The following IQANK1 variants were observed in gnomAD, a reference collection of about 807,000 sequenced individuals.
IQANK1 encodes IQ motif and ankyrin repeat domain-containing protein 1.
A neutral mutation model predicts 22.6 loss-of-function variants in IQANK1; 30 were observed. The ratio of observed to expected loss-of-function variants is 1.33; its 90% CI spans 0.99 to 1.80. The LOEUF (loss-of-function observed/expected upper bound fraction) is 1.80. IQANK1 is among the 40% of genes most tolerant of loss of function. The probability of loss-of-function intolerance (pLI) is 0.00; values close to 1 mark genes in which losing one functional copy is unlikely to be tolerated. For synonymous variants in IQANK1, 122 were observed against 99.6 expected (o/e 1.23, Z -1.34); for missense variants, 275 against 235.2 (o/e 1.17, Z -1.11).
intron 3 of IQANK1, among the ~76,000 whole-genome samples, chr8:143,754,742 C>G (rs549368501): frequency 2.9e-4 from 44 of 152,268 alleles, no homozygotes; most frequent in African/African-American, 8.9e-4. Context: ...TCTCCTGCCT[C>G]AGCCTCCTGA....
At chr8:143,788,041 A>T (rs1819927986) in intron 7 of IQANK1, among the ~76,000 whole-genome samples, 1 of 151,906 alleles carries the variant, frequency 6.6e-6, no homozygotes, top group Non-Finnish European at 1.5e-5. Flanking sequence ...CGAGTATGAG[A>T]GTCTCCCTGC....
At chr8:143,749,616 G>C (rs1819149977) in intron 3 of IQANK1, among the ~76,000 whole-genome samples, 1 of 131,846 alleles carries the variant, frequency 7.6e-6, no homozygotes, top group Non-Finnish European at 1.6e-5. Flanking sequence ...TTTTTTTTGA[G>C]ACGGAATCTC....
intron 7 of IQANK1, among the ~76,000 whole-genome samples, chr8:143,783,433 CTGATT>C (rs72120371): frequency 0.022 from 3,423 of 152,152 alleles, 127 homozygotes; most frequent in African/African-American, 0.079. Context: ...TCTGGGTTGC[CTGATT>C]TATTTTCCTT....
At chr8:143,756,022 A>T (rs552207543) in intron 3 of IQANK1, among the ~76,000 whole-genome samples, 1 of 152,170 alleles carries the variant, frequency 6.6e-6, no homozygotes, top group Admixed American at 6.5e-5. Flanking sequence ...CATGGTTTCA[A>T]CCTCCTGATG....
At chr8:143,780,678 A>G (rs1164761437) in intron 7 of IQANK1, among the ~76,000 whole-genome samples, 1 of 152,174 alleles carries the variant, frequency 6.6e-6, no homozygotes, top group Non-Finnish European at 1.5e-5. Context: ...ATGGCTGCAT[A>G]GTATTCCACG....
rs1818719547 is a variant in IQANK1 at position 143,735,733 on chromosome 8, T to C, written c.-4-117T>C. On this transcript the variant is annotated intron_variant, in intron 1 of 13. Coordinates refer to ENST00000527139, the MANE Select transcript of IQANK1 (RefSeq NM_001381874.1). This position sits in a 1 kb window ranked among gnomAD's most constrained non-coding sequence, Gnocchi z 5.2. The stretch of plus-strand genomic sequence containing the variant: ...AGCTGGGAAGCCTCAGGGGAGCCCA[T>C]GTTCCTGCTGTCATCCACTCAGGCG... The C allele has an allele frequency of 1.6e-6, 1 of 641,220 alleles. No homozygotes were observed. The highest frequency in any genetic ancestry group is 2.2e-5 in the Admixed American group (1 of 45,888). 39.7% of individuals were successfully genotyped at this position (641,220 alleles called of 1,614,324 possible).
At chr8:143,783,911 G>C (rs781986519) in intron 7 of IQANK1, among the ~76,000 whole-genome samples, 2 of 152,174 alleles carry the variant, frequency 1.3e-5, no homozygotes, top group Non-Finnish European at 2.9e-5. Context: ...TTCTGGGATC[G>C]CTGTTCTGTT....
chr8:143,790,025 T>C lies in IQANK1; in HGVS notation c.1250T>C (p.Leu417Pro), dbSNP rs1819994363. 3.2e-6 allele frequency: 4 copies of C among 1,231,958 alleles called. No homozygotes were observed. The allele number at this position is 1,231,958 out of a possible 1,614,324, so 76.3% of individuals were successfully genotyped here. Residue 417 changes from leucine to proline, a missense_variant, in exon 12 of 14, where the codon CTG (leucine) becomes CCG (proline). Physicochemically the swap from Leu to Pro is moderately conservative, Grantham distance 98 (BLOSUM62 -3). Transcript: ENST00000527139. Reference protein sequence around the residue: ...KCQVTELHDVLMKDVGNRIRA... With the variant: ...KCQVTELHDVPMKDVGNRIRA... ...CAGGTCACCGAGCTGCACGATGTGC[T>C]GATGAAAGATGTAGGCAACCGCATC...
chr8:143,771,448 G>A lies in IQANK1; in HGVS notation c.176-40G>A, dbSNP rs1349488936. On this transcript the variant is annotated intron_variant, in intron 3 of 13. Coordinates refer to ENST00000527139, the MANE Select transcript of IQANK1 (RefSeq NM_001381874.1). This position sits in a 1 kb window ranked among gnomAD's most constrained non-coding sequence, Gnocchi z 6.0. Reference sequence around the variant, plus strand: ...CCCAGGGGCGCAGCAGGCGTGGCTGGAGGCGAGAACGCGCCCCCGTGAGCC... The same window carrying A: ...CCCAGGGGCGCAGCAGGCGTGGCTGAAGGCGAGAACGCGCCCCCGTGAGCC... 4 of 396,920 alleles carry A rather than the reference G, an allele frequency of 1.0e-5. No homozygotes were observed. Among genetic ancestry groups the A allele is most frequent in the African/African-American group, 2.1e-5 (1 of 48,496 alleles). The allele number at this position is 396,920 out of a possible 1,614,324, so 24.6% of individuals were successfully genotyped here.
At chr8:143,738,129 T>TG (rs1554625940) in intron 2 of IQANK1, among the ~76,000 whole-genome samples, 1 of 151,722 alleles carries the variant, frequency 6.6e-6, no homozygotes, top group Non-Finnish European at 1.5e-5. Flanking sequence ...CCCCCTGGGG[T>TG]GGGGGGCGGG....
chr8:143,740,687 G>T (rs1222987196), intron 3 of IQANK1, among the ~76,000 whole-genome samples: 1 of 152,214 alleles, frequency 6.6e-6, no homozygotes, highest in East Asian at 1.9e-4. Flanking sequence ...GGCCATGCTG[G>T]CCGCAGCCTC....
rs1819644356 is a variant in IQANK1, at chr8:143,774,369, C to G, written c.789+1887C>G. On this transcript the variant is annotated intron_variant, in intron 7 of 13. Transcript: ENST00000527139. This position sits in a 1 kb window ranked among gnomAD's most constrained non-coding sequence, Gnocchi z 4.2. ...CGCAAACAACAATGAAACATACAAT[C>G]TAGGTATAAAATGAGCAAAGACATG... is the stretch of plus-strand genomic sequence containing the variant. Among the ~76,000 whole-genome samples, 1 of 152,124 alleles carries G rather than the reference C, an allele frequency of 6.6e-6. No homozygotes were observed. The highest frequency in any genetic ancestry group is 2.1e-4 in the South Asian group (1 of 4,820).
Position 143,769,383 on chromosome 8 carries a change from G to A in IQANK1, c.176-2105G>A, listed in dbSNP as rs1819532533. ...CCCTATATATATTTTTTTAAAGAGA[G>A]ACAGGGTCTCACCACGTTGTCCAGG... On this transcript the variant is annotated intron_variant, in intron 3 of 13. Transcript: ENST00000527139. Among the ~76,000 whole-genome samples, 3 of 152,106 alleles carry A rather than the reference G, an allele frequency of 2.0e-5. No individual in the cohort carries two copies. The South Asian group carries it at 6.2e-4, about 32-fold the overall frequency.
intron 3 of IQANK1, among the ~76,000 whole-genome samples, chr8:143,741,463 AG>A (rs1818912094): frequency 6.6e-6 from 1 of 152,050 alleles, no homozygotes; most frequent in Admixed American, 6.5e-5. Flanking sequence ...TTTGCTACAA[AG>A]TGGGTTTCCA....
intron 3 of IQANK1, among the ~76,000 whole-genome samples, chr8:143,746,558 T>C (rs1272615316): frequency 6.6e-6 from 1 of 151,886 alleles, no homozygotes; most frequent in Non-Finnish European, 1.5e-5. Flanking sequence ...AAATTTTTAA[T>C]TTTTTGTAGA....
rs1410738111 is a variant in IQANK1 at position 143,790,150 on chromosome 8, ATTGACCCT to A, written c.1307_1314del (p.Asp436GlyfsTer77). ...GGGTGTCCCCAGGTGGCCTCTTGTT[ATTGACCCT>A]TTGGGCCAGGCGGCCACCTTCCTGC... On this transcript the variant is annotated frameshift_variant, in exon 13 of 14. Coordinates refer to ENST00000527139, the MANE Select transcript of IQANK1 (RefSeq NM_001381874.1). LOFTEE classifies it high-confidence loss of function. 6.4e-5 allele frequency: 79 copies of A among 1,232,038 alleles called. No individual in the cohort carries two copies. The Middle Eastern group carries it at 9.4e-4, about 15-fold the overall frequency. 76.3% of individuals were successfully genotyped at this position (1,232,038 alleles called of 1,614,324 possible).
intron 2 of IQANK1, among the ~76,000 whole-genome samples, chr8:143,738,927 A>G (rs1421568642): frequency 5.3e-5 from 8 of 152,152 alleles, no homozygotes; most frequent in Non-Finnish European, 1.2e-4. Context: ...GGTTTGGTGG[A>G]GACAAAGGAC....
rs543403305 is a variant in IQANK1 at position 143,755,778 on chromosome 8, G to T, written c.176-15710G>T. Among the ~76,000 whole-genome samples the T allele has an allele frequency of 1.7e-3, 259 of 152,330 alleles. 1 individual carries two copies. Among genetic ancestry groups the T allele is most frequent in the Non-Finnish European group, 1.8e-3 (124 of 68,034 alleles). ...GGACACGCAGTGCCCCTTCATGATGGAAAGGGTTCAGTGTGGTCAGCCTGC... is the reference window on the plus strand; with the variant it reads ...GGACACGCAGTGCCCCTTCATGATGTAAAGGGTTCAGTGTGGTCAGCCTGC... On this transcript the variant is annotated intron_variant, in intron 3 of 13. Coordinates refer to ENST00000527139, the MANE Select transcript of IQANK1 (RefSeq NM_001381874.1).
At chr8:143,748,859 C>A (rs1183210052) in intron 3 of IQANK1, among the ~76,000 whole-genome samples, 60 of 105,564 alleles carry the variant, frequency 5.7e-4, no homozygotes, top group African/African-American at 2.7e-3. Flanking sequence ...ATATATATAT[C>A]ATATATAAAT....
Sources: allele counts gnomAD v4.1 joint callset (sites outside exome capture counted in the v4.1 genomes callset), GRCh38; gene constraint gnomAD v4.1.1; non-coding constraint Gnocchi (gnomAD v3.1); transcripts MANE v1.5; gene names NCBI Gene and HGNC (gene_info 2026-07-23, HGNC 2026-07-21).